FGFR2: variants seen among roughly 807,000 people sequenced by gnomAD.
FGFR2 encodes the protein fibroblast growth factor receptor 2, also known as BEK fibroblast growth factor receptor.
In FGFR2, 19 loss-of-function variants were observed where a neutral mutation model predicts 95.9. The ratio of observed to expected loss-of-function variants is 0.20; its 90% CI spans 0.14 to 0.29. FGFR2 has a LOEUF of 0.29. Ranked by LOEUF, FGFR2 falls within the 10% of genes least tolerant of loss-of-function variation. The pLI is 1.00. For missense variants in FGFR2, 707 were observed against 1,056.9 expected (o/e 0.67, Z 4.59); for synonymous variants, 392 against 393.3 (o/e 1.00, Z 0.04).
chr10:121,485,580 CA>C lies in FGFR2; in HGVS notation c.2058-49del. The C allele has an allele frequency of 6.2e-7, 1 of 1,613,512 alleles. No homozygotes were observed. The highest frequency in any genetic ancestry group is 8.5e-7 in the Non-Finnish European group (1 of 1,179,748). ...GGCATTACTAACCCATCCACGTTGC[CA>C]AAACCTAAACACGCCCAGCTGAGAC... On this transcript the variant is annotated intron_variant, in intron 15 of 17. Coordinates refer to ENST00000358487, the MANE Select transcript of FGFR2 (RefSeq NM_000141.5). The surrounding 1 kb of genome is among the most constrained non-coding windows in gnomAD (Gnocchi z 4.2).
At chr10:121,567,038 C>T (rs763405489) in intron 2 of FGFR2, among the ~76,000 whole-genome samples, 1 of 152,132 alleles carries the variant, frequency 6.6e-6, no homozygotes, top group Non-Finnish European at 1.5e-5. Flanking sequence ...CCCAGAGTTC[C>T]AGGCCTAGAA....
At chr10:121,590,188 C>T (rs535960337) in intron 2 of FGFR2, among the ~76,000 whole-genome samples, 91 of 152,262 alleles carry the variant, frequency 6.0e-4, no homozygotes, top group African/African-American at 2.0e-3. Context: ...CAGAGTCACA[C>T]TCTGTGGAGG....
At chr10:121,572,599 G>A (rs1442212462) in intron 2 of FGFR2, among the ~76,000 whole-genome samples, 6 of 151,966 alleles carry the variant, frequency 3.9e-5, no homozygotes, top group South Asian at 2.1e-4. Context: ...CAGCCTGGGC[G>A]ACATGAGTGA....
intron 6 of FGFR2, among the ~76,000 whole-genome samples, chr10:121,533,896 T>C (rs1852429158): frequency 6.6e-6 from 1 of 151,822 alleles, no homozygotes; most frequent in African/African-American, 2.4e-5. Flanking sequence ...CACTGCAAAG[T>C]GGGGGAGGGG....
At chr10:121,583,905 A>C (rs1311509711) in intron 2 of FGFR2, among the ~76,000 whole-genome samples, 1 of 152,078 alleles carries the variant, frequency 6.6e-6, no homozygotes, top group Non-Finnish European at 1.5e-5. Flanking sequence ...CTTGTCCATA[A>C]AATAAGAACA....
intron 4 of FGFR2, among the ~76,000 whole-genome samples, chr10:121,551,996 C>A (rs11200000): frequency 0.07 from 9,773 of 140,074 alleles, 1,004 homozygotes; most frequent in African/African-American, 0.24. Context: ...TCGTACATTT[C>A]TCAGAACTTA....
intron 16 of FGFR2, among the ~76,000 whole-genome samples, chr10:121,484,354 ACT>A (rs1001747329): frequency 1.2e-4 from 19 of 152,128 alleles, no homozygotes; most frequent in African/African-American, 4.3e-4. Flanking sequence ...TTCCTGATTA[ACT>A]CTTAGATAGG....
Position 121,520,129 on chromosome 10 carries a change from C to T in FGFR2, c.789G>A (p.Pro263=), listed in dbSNP as rs138315382. The change falls in exon 7 of 18, where the codon CCG becomes CCA. Residue 263 remains proline (P), a synonymous_variant. Coordinates refer to ENST00000358487, the MANE Select transcript of FGFR2 (RefSeq NM_000141.5). ...CTCCGACCACTGTGGAGGCATTTGCCGGCAGTCCGGCTTGGAGGATGGGCC... is the reference window on the plus strand; with the variant it reads ...CTCCGACCACTGTGGAGGCATTTGCTGGCAGTCCGGCTTGGAGGATGGGCC... ...PHRPILQAGL[P]ANASTVVGGD... 7.3e-5 allele frequency: 118 copies of T among 1,613,908 alleles called. No individual in the cohort carries two copies. In the Admixed American group the frequency reaches 1.8e-3, roughly 25 times the overall value.
At chr10:121,569,153 TA>T (rs1858166218) in intron 2 of FGFR2, among the ~76,000 whole-genome samples, 2 of 152,178 alleles carry the variant, frequency 1.3e-5, no homozygotes, top group Non-Finnish European at 2.9e-5. Flanking sequence ...CGTGATTTTT[TA>T]AGCACCACGA....
chr10:121,523,183 G>A (rs1423615323), intron 6 of FGFR2, among the ~76,000 whole-genome samples: 1 of 152,198 alleles, frequency 6.6e-6, no homozygotes, highest in East Asian at 1.9e-4. Flanking sequence ...TAAGGATACT[G>A]GAGCCGCAAA....
rs1852101601 is a variant in FGFR2, at chr10:121,531,732, AG to A, written c.748+6859del. On this transcript the variant is annotated intron_variant, in intron 6 of 17. Transcript: ENST00000358487. This position sits in a 1 kb window ranked among gnomAD's most constrained non-coding sequence, Gnocchi z 4.5. The stretch of plus-strand genomic sequence containing the variant: ...CTTTTCTAAGGCCATAGAGTTAGCA[AG>A]GGTGGAAACAGAACTTGACACCCCT... Among the ~76,000 whole-genome samples the A allele has an allele frequency of 6.6e-6, 1 of 152,148 alleles. No individual in the cohort carries two copies. Among genetic ancestry groups the A allele is most frequent in the Non-Finnish European group, 1.5e-5 (1 of 68,022 alleles).
At position 121,584,034 on chromosome 10, in the gene FGFR2, T is replaced by A. The variant is rs544708720; in HGVS notation, c.109+9675A>T. 7.2e-5 allele frequency among the ~76,000 whole-genome samples: 11 copies of A among 152,004 alleles called. No homozygotes were observed. In the South Asian group the frequency reaches 1.9e-3, roughly 26 times the overall value. On this transcript the variant is annotated intron_variant, in intron 2 of 17. Coordinates refer to ENST00000358487, the MANE Select transcript of FGFR2 (RefSeq NM_000141.5). The stretch of plus-strand genomic sequence containing the variant: ...TGGTAGCCAGTTATCATCATCACCA[T>A]CATCATCATCATCATCTCAAGGAAT...
At chr10:121,565,790 C>CT (rs1157607798) in intron 2 of FGFR2, 86 bp from the exon 3 acceptor site, 1 of 1,522,042 alleles carries the variant, frequency 6.6e-7, no homozygotes, top group Non-Finnish European at 9.1e-7. Flanking sequence ...TGGAGGCCTG[C>CT]TTATTCCCAG....
At chr10:121,595,326 T>C (rs1863260310) in intron 1 of FGFR2, among the ~76,000 whole-genome samples, 1 of 152,260 alleles carries the variant, frequency 6.6e-6, no homozygotes, top group South Asian at 2.1e-4. Flanking sequence ...GAAAAGAATA[T>C]GCCACATCAT....
intron 9 of FGFR2, among the ~76,000 whole-genome samples, chr10:121,506,723 A>C (rs530527843): frequency 6.6e-6 from 1 of 152,304 alleles, no homozygotes; most frequent in Non-Finnish European, 1.5e-5. Flanking sequence ...AAGGGCACTT[A>C]AACGTTTCTG....
rs1190066377 is a variant in FGFR2 at position 121,569,213 on chromosome 10, TCTTTTCTTTTC to T, written c.110-3520_110-3510del. Among the ~76,000 whole-genome samples the T allele has an allele frequency of 1.8e-3, 269 of 148,728 alleles. 1 individual carries two copies. The highest frequency in any genetic ancestry group is 6.1e-3 in the African/African-American group (241 of 39,282). ...ATCTGGGTTTCTTTTTCTTTTCTTT[TCTTTTCTTTTC>T]TTTTTTTTTTTTTTGAGACAGAGTC... On this transcript the variant is annotated intron_variant, in intron 2 of 17. Coordinates refer to ENST00000358487, the MANE Select transcript of FGFR2 (RefSeq NM_000141.5).
intron 4 of FGFR2, among the ~76,000 whole-genome samples, chr10:121,559,110 A>AG (rs1310285092): frequency 1.5e-5 from 2 of 137,678 alleles, no homozygotes; most frequent in African/African-American, 5.9e-5. Context: ...ATCCAAAAGG[A>AG]GAAAAAAAAA....
intron 16 of FGFR2, among the ~76,000 whole-genome samples, chr10:121,484,610 A>G (rs41294225): frequency 0.016 from 2,480 of 152,274 alleles, 78 homozygotes; most frequent in African/African-American, 0.057. Flanking sequence ...TTCTTAGTTA[A>G]TCCTGGAGGG....
intron 5 of FGFR2, among the ~76,000 whole-genome samples, chr10:121,543,424 C>T (rs1477831240): frequency 3.9e-5 from 6 of 152,268 alleles, no homozygotes; most frequent in South Asian, 4.1e-4. Flanking sequence ...GCAAGAGAAT[C>T]GCTTGAACCC....
Sources: allele counts gnomAD v4.1 joint callset (sites outside exome capture counted in the v4.1 genomes callset), GRCh38; gene constraint gnomAD v4.1.1; non-coding constraint Gnocchi (gnomAD v3.1); transcripts MANE v1.5; gene names NCBI Gene and HGNC (gene_info 2026-07-23, HGNC 2026-07-21).